TAFA2: variants seen among roughly 807,000 people sequenced by gnomAD.
The protein encoded by TAFA2 is chemokine-like protein TAFA-2.
TAFA2 carries 7 observed loss-of-function variants against 18.8 expected under a neutral mutation model. The observed-to-expected ratio is 0.37, with a 90% CI of 0.21 to 0.70. The LOEUF (loss-of-function observed/expected upper bound fraction) is 0.70. Among genes scored for constraint, TAFA2 ranks in the 30% least tolerant of loss-of-function variants. The pLI is 0.53. For missense variants in TAFA2, 122 were observed against 158.1 expected (o/e 0.77, Z 1.23); for synonymous variants, 60 against 54.2 (o/e 1.11, Z -0.47).
chr12:61,741,226 T>C (rs1467055168), intron 4 of TAFA2, among the ~76,000 whole-genome samples: 2 of 151,158 alleles, frequency 1.3e-5, no homozygotes, highest in Admixed American at 1.3e-4. Flanking sequence ...CAATTTTTTA[T>C]ATGCAAATTA....
chr12:62,071,356 C>T (rs1441090281), intron 1 of TAFA2, among the ~76,000 whole-genome samples: 1 of 152,080 alleles, frequency 6.6e-6, no homozygotes, highest in Admixed American at 6.5e-5. Context: ...AAAGAGGAGA[C>T]AGGTGAATGA....
chr12:61,719,576 G>T (rs575548974), intron 4 of TAFA2, among the ~76,000 whole-genome samples: 3 of 152,046 alleles, frequency 2.0e-5, no homozygotes, highest in Admixed American at 6.6e-5. Context: ...AACTATCTTT[G>T]AAAAACCCTA....
At chr12:61,962,844 C>T (rs1190528785) in intron 1 of TAFA2, among the ~76,000 whole-genome samples, 2 of 151,928 alleles carry the variant, frequency 1.3e-5, no homozygotes, top group African/African-American at 4.8e-5. Flanking sequence ...TGGTTTGCTG[C>T]ACCCATCAAC....
In TAFA2 at chr12:62,153,381, G is replaced by C. The variant is rs574943454; in HGVS notation, c.-2+37878C>G. Among the ~76,000 whole-genome samples the C allele has an allele frequency of 8.9e-4, 135 of 152,254 alleles. 2 individuals are homozygous for C. The highest frequency in any genetic ancestry group is 3.2e-3 in the African/African-American group (131 of 41,544). ...ATACAATCAAAGTGCCAGTATCAGT[G>C]GTCAGCTGTGGTGGCTCACACCTGT... On this transcript the variant is annotated intron_variant, in intron 1 of 4. Coordinates refer to ENST00000416284, the MANE Select transcript of TAFA2 (RefSeq NM_178539.5).
At chr12:61,888,913 C>G (rs1875508221) in intron 1 of TAFA2, among the ~76,000 whole-genome samples, 1 of 152,122 alleles carries the variant, frequency 6.6e-6, no homozygotes, top group Non-Finnish European at 1.5e-5. Context: ...AAAAGGTGGA[C>G]TCAGTTATTT....
chr12:61,990,898 A>T (rs1030318045), intron 1 of TAFA2, among the ~76,000 whole-genome samples: 1 of 152,210 alleles, frequency 6.6e-6, no homozygotes. Context: ...GTATTATAAG[A>T]TATGTGAGCT....
At chr12:62,016,938 G>T (rs1034433831) in intron 1 of TAFA2, among the ~76,000 whole-genome samples, 1 of 152,228 alleles carries the variant, frequency 6.6e-6, no homozygotes, top group Non-Finnish European at 1.5e-5. Context: ...AGAAAAGAGC[G>T]TGAGCTCTGC....
upstream of TAFA2, among the ~76,000 whole-genome samples, chr12:62,196,665 A>G (rs79208016): frequency 0.022 from 3,369 of 152,230 alleles, 129 homozygotes; most frequent in African/African-American, 0.075. Context: ...ATTGCATCCT[A>G]AGACAATTAT....
chr12:61,878,827 A>G (rs1874981014), intron 1 of TAFA2, among the ~76,000 whole-genome samples: 1 of 152,162 alleles, frequency 6.6e-6, no homozygotes, highest in Admixed American at 6.5e-5. Flanking sequence ...ATTTCCCCAC[A>G]AAGTATCTTA....
intron 1 of TAFA2, among the ~76,000 whole-genome samples, chr12:61,885,846 T>A (rs1207901947): frequency 2.6e-5 from 4 of 152,154 alleles, no homozygotes; most frequent in Non-Finnish European, 5.9e-5. Flanking sequence ...CACTTTCTGA[T>A]TAAAGAGAAT....
At chr12:62,251,410 T>C (rs1028674010) in intron 1 of TAFA2, among the ~76,000 whole-genome samples, 3 of 152,172 alleles carry the variant, frequency 2.0e-5, no homozygotes, top group African/African-American at 7.2e-5. Context: ...ATAGAGAGTT[T>C]AGAAATACTG....
intron 2 of TAFA2, among the ~76,000 whole-genome samples, chr12:61,801,740 T>A (rs1871405838): frequency 6.6e-6 from 1 of 151,742 alleles, no homozygotes. Context: ...ACAGGCAACA[T>A]AAGCAAAAAT....
At chr12:61,771,718 A>T (rs557455498) in intron 2 of TAFA2, among the ~76,000 whole-genome samples, 54 of 152,004 alleles carry the variant, frequency 3.6e-4, no homozygotes, top group Non-Finnish European at 7.2e-4. Flanking sequence ...AACCTCTGGG[A>T]TACAGCACAA....
chr12:61,788,694 A>T (rs572969115), intron 2 of TAFA2, among the ~76,000 whole-genome samples: 43 of 151,864 alleles, frequency 2.8e-4, no homozygotes, highest in African/African-American at 9.9e-4. Flanking sequence ...AAATAAATGC[A>T]GAGAGGGAAA....
At chr12:62,163,383 C>A (rs987223279) in intron 1 of TAFA2, among the ~76,000 whole-genome samples, 3 of 152,016 alleles carry the variant, frequency 2.0e-5, no homozygotes, top group Non-Finnish European at 4.4e-5. Context: ...TATCTGACAG[C>A]AATTATCTGC....
At chr12:62,039,213 T>C (rs1380069416) in intron 1 of TAFA2, among the ~76,000 whole-genome samples, 1 of 152,188 alleles carries the variant, frequency 6.6e-6, no homozygotes, top group Non-Finnish European at 1.5e-5. Flanking sequence ...ATTCCATAAA[T>C]ATAAAATTTG....
intron 2 of TAFA2, among the ~76,000 whole-genome samples, chr12:61,809,262 A>G (rs1871759171): frequency 1.3e-5 from 2 of 151,536 alleles, no homozygotes; most frequent in Non-Finnish European, 2.9e-5. Context: ...GCCATTATGA[A>G]CCTCAGTTTT....
At chr12:62,247,274 A>AT (rs1343166417) in intron 1 of TAFA2, among the ~76,000 whole-genome samples, 1 of 152,014 alleles carries the variant, frequency 6.6e-6, no homozygotes, top group Non-Finnish European at 1.5e-5. Flanking sequence ...CCTCGCCACC[A>AT]TTTTTTTCAC....
At chr12:62,047,848 G>A (rs1881950289) in intron 1 of TAFA2, among the ~76,000 whole-genome samples, 1 of 152,058 alleles carries the variant, frequency 6.6e-6, no homozygotes, top group Non-Finnish European at 1.5e-5. Context: ...GGTTAAAAAG[G>A]AGAATATGCA....
Sources: allele counts gnomAD v4.1 joint callset (sites outside exome capture counted in the v4.1 genomes callset), GRCh38; gene constraint gnomAD v4.1.1; transcripts MANE v1.5; gene names NCBI Gene and HGNC (gene_info 2026-07-23, HGNC 2026-07-21).